PTCHD4: variants seen among roughly 807,000 people sequenced by gnomAD.
PTCHD4 encodes patched domain-containing protein 4.
Under a neutral mutation model 58.1 loss-of-function variants are expected in PTCHD4, and 33 were observed. That is an observed-to-expected ratio of 0.57 (90% CI 0.43 to 0.76). PTCHD4 has a LOEUF of 0.76. Among genes scored for constraint, PTCHD4 ranks in the 30% least tolerant of loss-of-function variants. The pLI is 0.00. For synonymous variants in PTCHD4, 478 were observed against 409.6 expected (o/e 1.17, Z -2.02); for missense variants, 1,058 against 1,027.1 (o/e 1.03, Z -0.41).
chr6:48,082,052 A>G (rs1765178800), intron 1 of PTCHD4, among the ~76,000 whole-genome samples: 1 of 152,036 alleles, frequency 6.6e-6, no homozygotes, highest in African/African-American at 2.4e-5. Flanking sequence ...CCTATTTTGG[A>G]TATGTCCTTT....
chr6:48,029,917 C>T (rs1562015739), intron 3 of PTCHD4, among the ~76,000 whole-genome samples: 1 of 151,986 alleles, frequency 6.6e-6, no homozygotes, highest in Non-Finnish European at 1.5e-5. Flanking sequence ...TTACAGGGTT[C>T]CAGCATTACA....
chr6:48,069,142 G>T lies in PTCHD4; in HGVS notation c.-185C>A, dbSNP rs192712850. Among the ~76,000 whole-genome samples, 34 of 95,772 alleles carry T rather than the reference G, an allele frequency of 3.6e-4. 1 individual carries two copies. The highest frequency in any genetic ancestry group is 1.2e-3 in the Admixed American group (13 of 10,418). The allele number at this position is 95,772 out of a possible 152,430, so 62.8% of individuals were successfully genotyped here. ...AGAAGCAGACATGTGCCCCATAAAG[G>T]GGGGGGGGGCTGAGGGGGGGAGAGG... On this transcript the variant is annotated 5_prime_UTR_variant, in exon 2 of 5. Transcript: ENST00000339488.
intron 1 of PTCHD4, among the ~76,000 whole-genome samples, chr6:48,106,362 C>G (rs575997058): frequency 1.3e-5 from 2 of 152,162 alleles, no homozygotes; most frequent in African/African-American, 4.8e-5. Context: ...ACATGATTAT[C>G]TCAATAGATG....
intron 4 of PTCHD4, among the ~76,000 whole-genome samples, chr6:47,950,434 G>A (rs1020435432): frequency 6.6e-6 from 1 of 152,012 alleles, no homozygotes; most frequent in African/African-American, 2.4e-5. Flanking sequence ...GCTGGATTTG[G>A]ATACATTTTG....
At chr6:48,036,765 A>C (rs1350128351) in intron 3 of PTCHD4, among the ~76,000 whole-genome samples, 2 of 152,122 alleles carry the variant, frequency 1.3e-5, no homozygotes, top group East Asian at 3.9e-4. Context: ...GTCACATGCT[A>C]AGGTCTCTAA....
rs143446336 is a variant in PTCHD4 at position 48,102,397 on chromosome 6, C to T, written c.-970+8652G>A. 9.7e-4 allele frequency among the ~76,000 whole-genome samples: 147 copies of T among 152,280 alleles called. 1 individual carries two copies. The highest frequency in any genetic ancestry group is 1.9e-3 in the Non-Finnish European group (126 of 68,020). On this transcript the variant is annotated intron_variant, in intron 1 of 4. Coordinates refer to ENST00000339488, the MANE Select transcript of PTCHD4 (RefSeq NM_001384253.1). Reference sequence around the variant, plus strand: ...CCTGAGATGTAATTTCTAGTGTTCTCGAGTTTCAGCCAAAACGTCCATTTT... The same window carrying T: ...CCTGAGATGTAATTTCTAGTGTTCTTGAGTTTCAGCCAAAACGTCCATTTT...
At chr6:47,953,248 G>A (rs1766723563) in intron 4 of PTCHD4, among the ~76,000 whole-genome samples, 1 of 152,082 alleles carries the variant, frequency 6.6e-6, no homozygotes, top group African/African-American at 2.4e-5. Context: ...CTTTCAATCT[G>A]AAAGTGAGGT....
intron 3 of PTCHD4, among the ~76,000 whole-genome samples, chr6:48,061,431 A>G (rs1764622170): frequency 6.6e-6 from 1 of 152,204 alleles, no homozygotes; most frequent in Non-Finnish European, 1.5e-5. Flanking sequence ...CTCAATTACC[A>G]TATTTTCTTA....
At chr6:47,884,251 T>C (rs1764112299) in intron 4 of PTCHD4, among the ~76,000 whole-genome samples, 1 of 152,208 alleles carries the variant, frequency 6.6e-6, no homozygotes, top group South Asian at 2.1e-4. Context: ...TCTGTCCAGA[T>C]GCCAATCAAC....
intron 4 of PTCHD4, among the ~76,000 whole-genome samples, chr6:47,910,790 G>A (rs533384288): frequency 4.6e-5 from 7 of 152,094 alleles, no homozygotes; most frequent in African/African-American, 7.2e-5. Context: ...GTTTTGAAAA[G>A]CAATAACACC....
intron 4 of PTCHD4, among the ~76,000 whole-genome samples, chr6:47,961,699 T>A (rs558785768): frequency 7.7e-4 from 117 of 152,220 alleles, no homozygotes; most frequent in African/African-American, 2.8e-3. Flanking sequence ...AACATTTTTT[T>A]TAAAAAAAGA....
At chr6:48,054,940 C>T (rs1441795784) in intron 3 of PTCHD4, among the ~76,000 whole-genome samples, 1 of 152,108 alleles carries the variant, frequency 6.6e-6, no homozygotes, top group African/African-American at 2.4e-5. Flanking sequence ...TTTTGAAAAT[C>T]TGCAGGGTGT....
chr6:47,924,767 A>G (rs1046003433), intron 4 of PTCHD4, among the ~76,000 whole-genome samples: 6 of 152,098 alleles, frequency 3.9e-5, no homozygotes, highest in African/African-American at 1.4e-4. Flanking sequence ...GAATGCAAAT[A>G]TAATCCTTTG....
chr6:47,919,641 A>G (rs1581878722), intron 4 of PTCHD4, among the ~76,000 whole-genome samples: 2 of 152,200 alleles, frequency 1.3e-5, no homozygotes, highest in Non-Finnish European at 1.5e-5. Context: ...GTCAGAGATC[A>G]TGTAGGATTT....
intron 4 of PTCHD4, among the ~76,000 whole-genome samples, chr6:47,938,324 C>T (rs1336744706): frequency 2.0e-5 from 3 of 152,116 alleles, no homozygotes; most frequent in Non-Finnish European, 4.4e-5. Flanking sequence ...GCTTGTGATT[C>T]TGTATGTCTA....
intron 3 of PTCHD4, among the ~76,000 whole-genome samples, chr6:48,036,701 C>A (rs1329605919): frequency 6.6e-6 from 1 of 152,050 alleles, no homozygotes; most frequent in African/African-American, 2.4e-5. Context: ...AAGGAACCCA[C>A]AAAGTGCTTT....
At chr6:47,924,191 C>T (rs1765523031) in intron 4 of PTCHD4, among the ~76,000 whole-genome samples, 1 of 152,042 alleles carries the variant, frequency 6.6e-6, no homozygotes. Context: ...GTCTCTCCTG[C>T]TTGGCTGGAT....
intron 4 of PTCHD4, among the ~76,000 whole-genome samples, chr6:47,931,614 T>C (rs1003839024): frequency 6.6e-6 from 1 of 152,240 alleles, no homozygotes; most frequent in Non-Finnish European, 1.5e-5. Context: ...AAATGCTATG[T>C]ACTTTTAAAA....
intron 3 of PTCHD4, among the ~76,000 whole-genome samples, chr6:48,025,967 A>T (rs1226510639): frequency 6.6e-6 from 1 of 151,910 alleles, no homozygotes; most frequent in African/African-American, 2.4e-5. Context: ...CACTCTCTCC[A>T]ACAGCAATTT....
Sources: allele counts gnomAD v4.1 joint callset (sites outside exome capture counted in the v4.1 genomes callset), GRCh38; gene constraint gnomAD v4.1.1; transcripts MANE v1.5; gene names NCBI Gene and HGNC (gene_info 2026-07-23, HGNC 2026-07-21).